DPP6: variants seen among roughly 807,000 people sequenced by gnomAD.
DPP6 encodes A-type potassium channel modulatory protein DPP6.
Under a neutral mutation model 122.6 loss-of-function variants are expected in DPP6, and 69 were observed. The ratio of observed to expected loss-of-function variants is 0.56; its 90% CI spans 0.46 to 0.69. The LOEUF (loss-of-function observed/expected upper bound fraction) is 0.69, where lower values mean the gene tolerates loss of function less well. DPP6 is among the 30% of genes least tolerant of loss of function. The probability of loss-of-function intolerance (pLI) is 0.00; values close to 1 mark genes in which losing one functional copy is unlikely to be tolerated. For missense variants in DPP6, 928 were observed against 1,116.9 expected (o/e 0.83, Z 2.41); for synonymous variants, 418 against 433.1 (o/e 0.97, Z 0.43).
chr7:154,746,850 G>GT (rs1202907345), intron 8 of DPP6, among the ~76,000 whole-genome samples: 2 of 152,186 alleles, frequency 1.3e-5, no homozygotes, highest in Non-Finnish European at 2.9e-5. Flanking sequence ...TATACTGTCT[G>GT]TATCTTGGAA....
chr7:154,179,736 CACA>C (rs1253583942), intron 1 of DPP6, among the ~76,000 whole-genome samples: 1 of 152,174 alleles, frequency 6.6e-6, no homozygotes, highest in Non-Finnish European at 1.5e-5. Flanking sequence ...AAAGTATAAA[CACA>C]ACATGTGAAG....
At chr7:153,915,239 G>A (rs1800257149) in intron 1 of DPP6, among the ~76,000 whole-genome samples, 1 of 152,118 alleles carries the variant, frequency 6.6e-6, no homozygotes, top group African/African-American at 2.4e-5. Flanking sequence ...TGACTCTACT[G>A]TGTAGCAGAG....
chr7:154,320,281 C>T (rs1807827512), intron 1 of DPP6, among the ~76,000 whole-genome samples: 1 of 152,022 alleles, frequency 6.6e-6, no homozygotes, highest in Admixed American at 6.6e-5. Context: ...GCCCTGTGTC[C>T]AGTGCGGTCT....
chr7:153,853,851 T>G, the DPP6 span, among the ~76,000 whole-genome samples: 2 of 151,714 alleles, frequency 1.3e-5, no homozygotes, highest in Non-Finnish European at 2.9e-5. Flanking sequence ...TTAGTTTAAT[T>G]AGATCCCATT....
the DPP6 span, among the ~76,000 whole-genome samples, chr7:153,823,615 G>GT: frequency 0.66 from 93,394 of 140,584 alleles, 32,167 homozygotes; most frequent in African/African-American, 0.7. Flanking sequence ...TATCAGGAAA[G>GT]GGAATCATGA....
At chr7:154,235,159 T>C (rs1486747484) in intron 1 of DPP6, among the ~76,000 whole-genome samples, 1 of 152,232 alleles carries the variant, frequency 6.6e-6, no homozygotes, top group Non-Finnish European at 1.5e-5. Context: ...AAGGAAACTG[T>C]GCCCCTTAGC....
chr7:154,281,875 A>G (rs1239986877), intron 1 of DPP6, among the ~76,000 whole-genome samples: 2 of 152,208 alleles, frequency 1.3e-5, no homozygotes, highest in African/African-American at 2.4e-5. Context: ...AGAAAGATAC[A>G]AACCACCCTC....
At chr7:154,202,181 C>A (rs545222636) in intron 1 of DPP6, among the ~76,000 whole-genome samples, 1 of 152,176 alleles carries the variant, frequency 6.6e-6, no homozygotes, top group African/African-American at 2.4e-5. Flanking sequence ...TGGCATGAGT[C>A]GTGCATTCCA....
At position 154,098,290 on chromosome 7, in the gene DPP6, T is replaced by C. The variant is rs536785326; in HGVS notation, c.243+45227T>C. Reference sequence around the variant, plus strand: ...AGAAGGACATATTTCCTTCCCCTTCTGCCATGATTGTAAGTTTCCTGAGGC... The same window carrying C: ...AGAAGGACATATTTCCTTCCCCTTCCGCCATGATTGTAAGTTTCCTGAGGC... On this transcript the variant is annotated intron_variant, in intron 1 of 25. Transcript: ENST00000377770. Among the ~76,000 whole-genome samples, 5 of 152,344 alleles carry C rather than the reference T, an allele frequency of 3.3e-5. No individual in the cohort carries two copies. The South Asian group carries it at 1.0e-3, about 32-fold the overall frequency.
chr7:154,006,149 A>G (rs571328175), intron 1 of DPP6, among the ~76,000 whole-genome samples: 1 of 152,296 alleles, frequency 6.6e-6, no homozygotes, highest in Admixed American at 6.5e-5. Context: ...ACTGGCACAT[A>G]CGAGGTAGCA....
chr7:154,891,429 C>T (rs763851344), intron 25 of DPP6, among the ~76,000 whole-genome samples: 1 of 152,144 alleles, frequency 6.6e-6, no homozygotes, highest in Non-Finnish European at 1.5e-5. Flanking sequence ...TTGTTTAATT[C>T]TCACAAAGTG....
chr7:153,912,481 T>G (rs1800133870), intron 1 of DPP6, among the ~76,000 whole-genome samples: 1 of 152,174 alleles, frequency 6.6e-6, no homozygotes, highest in East Asian at 1.9e-4. Context: ...CCTATTACAT[T>G]TCAGCTGCCA....
At chr7:154,306,122 T>C (rs915424722) in intron 1 of DPP6, among the ~76,000 whole-genome samples, 2 of 152,186 alleles carry the variant, frequency 1.3e-5, no homozygotes, top group Non-Finnish European at 2.9e-5. Context: ...AGCCGAAGGA[T>C]AGACGGTCGG....
chr7:153,810,221 T>C, the DPP6 span, among the ~76,000 whole-genome samples: 1 of 152,298 alleles, frequency 6.6e-6, no homozygotes, highest in East Asian at 1.9e-4. Flanking sequence ...AACTGAAATA[T>C]CACCATCATT....
chr7:154,508,968 A>G (rs1417685239), intron 3 of DPP6, among the ~76,000 whole-genome samples: 2 of 152,328 alleles, frequency 1.3e-5, no homozygotes, highest in Non-Finnish European at 2.9e-5. Context: ...CTCACACCAT[A>G]GATAAAAATT....
At chr7:154,560,989 A>C (rs1337662889) in intron 4 of DPP6, among the ~76,000 whole-genome samples, 1 of 152,204 alleles carries the variant, frequency 6.6e-6, no homozygotes, top group African/African-American at 2.4e-5. Context: ...ATAGACAACA[A>C]GGAATATTAC....
intron 7 of DPP6, among the ~76,000 whole-genome samples, chr7:154,717,598 T>C (rs2131328781): frequency 6.6e-6 from 1 of 152,278 alleles, no homozygotes; most frequent in East Asian, 1.9e-4. Context: ...GGCTAAATAC[T>C]ATTTCCTTGT....
intron 1 of DPP6, among the ~76,000 whole-genome samples, chr7:153,981,542 A>G (rs1796586391): frequency 1.3e-5 from 2 of 152,148 alleles, no homozygotes; most frequent in South Asian, 4.1e-4. Flanking sequence ...GTGCATTTAC[A>G]TTTAAGGTTA....
the DPP6 span, among the ~76,000 whole-genome samples, chr7:153,781,029 C>A: frequency 6.6e-6 from 1 of 152,198 alleles, no homozygotes; most frequent in Non-Finnish European, 1.5e-5. Flanking sequence ...TTTATTATAA[C>A]TACTTCTTGA....
Sources: allele counts gnomAD v4.1 joint callset (sites outside exome capture counted in the v4.1 genomes callset), GRCh38; gene constraint gnomAD v4.1.1; transcripts MANE v1.5; gene names NCBI Gene and HGNC (gene_info 2026-07-23, HGNC 2026-07-21).